GPHN: variants seen among roughly 807,000 people sequenced by gnomAD.
The protein encoded by GPHN is gephyrin.
A neutral mutation model predicts 95.5 loss-of-function variants in GPHN; 17 were observed. The observed-to-expected ratio is 0.18, with a 90% CI of 0.12 to 0.27. GPHN has a LOEUF of 0.27. Ranked by LOEUF, GPHN falls within the 10% of genes least tolerant of loss-of-function variation. The pLI is 1.00. For synonymous variants in GPHN, 320 were observed against 322.5 expected (o/e 0.99, Z 0.08); for missense variants, 660 against 978.1 (o/e 0.67, Z 4.34).
At position 66,615,786 on chromosome 14, in the gene GPHN, T is replaced by G. The variant is rs140471504; in HGVS notation, c.65-65321T>G. 2.6e-3 allele frequency among the ~76,000 whole-genome samples: 392 copies of G among 152,198 alleles called. 2 individuals are homozygous for G. The highest frequency in any genetic ancestry group is 8.9e-3 in the African/African-American group (371 of 41,566). On this transcript the variant is annotated intron_variant, in intron 1 of 22. Transcript: ENST00000478722. ...TTTTGGCATTTTCATCATGAAGTCTTTGCCCATGCCTGTGTCCTGAATGAT... is the reference window on the plus strand; with the variant it reads ...TTTTGGCATTTTCATCATGAAGTCTGTGCCCATGCCTGTGTCCTGAATGAT...
chr14:67,224,706 G>C, the GPHN span: 1 of 300,590 alleles, frequency 3.3e-6, no homozygotes. Context: ...AGAGACAAAG[G>C]ATAGAGATTC....
chr14:67,577,194 G>A, the GPHN span: 16 of 747,596 alleles, frequency 2.1e-5, no homozygotes, highest in African/African-American at 5.2e-5. Flanking sequence ...AAGTGTTGAC[G>A]GAAGATAAAC....
rs765267813 is a variant in GPHN, at chr14:66,599,392, A to ATTTTTTTTTTT, written c.65-81709_65-81699dup. Among the ~76,000 whole-genome samples, 103 of 76,420 alleles carry ATTTTTTTTTTT rather than the reference A, an allele frequency of 1.3e-3. 4 individuals carry two copies. The highest frequency in any genetic ancestry group is 3.2e-3 in the African/African-American group (44 of 13,892). The allele number at this position is 76,420 out of a possible 152,430, so 50.1% of individuals were successfully genotyped here. On this transcript the variant is annotated intron_variant, in intron 1 of 22. Coordinates refer to ENST00000478722, the MANE Select transcript of GPHN (RefSeq NM_020806.5). ...TCTCTGATTTTACATTTTTTTTTGC[A>ATTTTTTTTTTT]TTTTTTTTTTTTTTTTGCTAGATGC...
the GPHN span, among the ~76,000 whole-genome samples, chr14:67,212,386 G>A: frequency 5.9e-5 from 9 of 151,586 alleles, no homozygotes; most frequent in Admixed American, 1.3e-4. Flanking sequence ...CAAGGAGTTC[G>A]AGACCAGCCT....
chr14:66,766,127 A>G (rs1175093970), intron 2 of GPHN, among the ~76,000 whole-genome samples: 2 of 152,328 alleles, frequency 1.3e-5, no homozygotes, highest in East Asian at 3.9e-4. Context: ...TTCAATTCCT[A>G]GTGTGGAAGA....
In GPHN at chr14:67,110,274, A is replaced by T; in HGVS notation, c.1413+15A>T. On this transcript the variant is annotated intron_variant, in intron 14 of 22. Coordinates refer to ENST00000478722, the MANE Select transcript of GPHN (RefSeq NM_020806.5). The stretch of plus-strand genomic sequence containing the variant: ...AATCAGATGATGTACGTCATCACCA[A>T]GTCTTACTGTGCTGTTGTTCCTATG... The T allele has an allele frequency of 1.2e-6, 2 of 1,613,124 alleles. No individual in the cohort carries two copies. The highest frequency in any genetic ancestry group is 1.7e-6 in the Non-Finnish European group (2 of 1,179,144).
chr14:66,748,366 CTT>C (rs2058237944), intron 2 of GPHN, among the ~76,000 whole-genome samples: 1 of 151,852 alleles, frequency 6.6e-6, no homozygotes, highest in Admixed American at 6.6e-5. Flanking sequence ...TTTAAATAGA[CTT>C]TATTTTTTGG....
intron 3 of GPHN, among the ~76,000 whole-genome samples, chr14:66,822,251 A>G (rs1040664293): frequency 1.3e-5 from 2 of 152,152 alleles, no homozygotes; most frequent in African/African-American, 4.8e-5. Flanking sequence ...CGTCCAGCCA[A>G]CTGATTTTAA....
chr14:67,611,091 T>A, the GPHN span: 1 of 154,256 alleles, frequency 6.5e-6, no homozygotes, highest in Non-Finnish European at 1.5e-5. Context: ...ACCAAACCCA[T>A]GTACAATGAG....
At chr14:67,583,984 G>A in the GPHN span, 1 of 1,613,952 alleles carries the variant, frequency 6.2e-7, no homozygotes, top group Non-Finnish European at 8.5e-7. Flanking sequence ...CTCTCCATCT[G>A]CCCACACCAG....
At chr14:66,813,964 G>C (rs2060863204) in intron 3 of GPHN, among the ~76,000 whole-genome samples, 1 of 152,112 alleles carries the variant, frequency 6.6e-6, no homozygotes, top group Non-Finnish European at 1.5e-5. Flanking sequence ...CCACGCACCA[G>C]CCTGCACGCT....
At chr14:66,726,178 G>A (rs534865517) in intron 2 of GPHN, among the ~76,000 whole-genome samples, 25 of 152,104 alleles carry the variant, frequency 1.6e-4, no homozygotes, top group African/African-American at 3.9e-4. Context: ...ATCTACTCCC[G>A]TTCAAATTAA....
At chr14:67,340,705 G>A in the GPHN span, among the ~76,000 whole-genome samples, 26 of 152,014 alleles carry the variant, frequency 1.7e-4, no homozygotes, top group Middle Eastern at 3.4e-3. Flanking sequence ...CTCTCCCCAC[G>A]GTCTCCCTCT....
chr14:66,836,317 A>G (rs1269993973), intron 4 of GPHN, among the ~76,000 whole-genome samples: 1 of 138,828 alleles, frequency 7.2e-6, no homozygotes, highest in Non-Finnish European at 1.5e-5. Context: ...ATCTTTGACA[A>G]ACCTGAGAAA....
the GPHN span, chr14:67,569,067 C>T: frequency 1.9e-6 from 2 of 1,061,112 alleles, no homozygotes; most frequent in African/African-American, 1.5e-5. Flanking sequence ...ATGCTTTTTC[C>T]TGCACATGCC....
chr14:66,922,757 T>C lies in GPHN; in HGVS notation c.548T>C (p.Leu183Pro). 1 of 1,613,762 alleles carries C rather than the reference T, an allele frequency of 6.2e-7. No individual in the cohort carries two copies. Among genetic ancestry groups the C allele is most frequent in the Non-Finnish European group, 8.5e-7 (1 of 1,179,684 alleles). Residue 183 changes from leucine to proline, a missense_variant, in exon 7 of 23, where the codon CTT becomes CCT. Leu to Pro is a moderately conservative substitution (Grantham distance 98, BLOSUM62 -3). This residue lies in a region of GPHN where 190 missense variants were observed against 224.7 expected (regional missense o/e 0.85). Coordinates refer to ENST00000478722, the MANE Select transcript of GPHN (RefSeq NM_020806.5). ...IVKVKEVHDE[L>P]EDLPSPPPPL... ...AAAGTAAAGGAGGTGCATGATGAACTTGAAGATTTGCCTTCCCCACCTCCC... is the reference window on the plus strand; with the variant it reads ...AAAGTAAAGGAGGTGCATGATGAACCTGAAGATTTGCCTTCCCCACCTCCC...
intron 9 of GPHN, among the ~76,000 whole-genome samples, chr14:67,004,806 T>C (rs1462042113): frequency 6.6e-6 from 1 of 151,764 alleles, no homozygotes; most frequent in Non-Finnish European, 1.5e-5. Context: ...CTATCAGAGA[T>C]GGTGTCAGGT....
At chr14:67,209,134 G>A in the GPHN span, among the ~76,000 whole-genome samples, 3 of 152,164 alleles carry the variant, frequency 2.0e-5, no homozygotes, top group Admixed American at 6.6e-5. Flanking sequence ...CAGAGTTTAC[G>A]TGATTCACTC....
At chr14:66,689,516 C>T (rs1340289167) in intron 2 of GPHN, among the ~76,000 whole-genome samples, 1 of 152,052 alleles carries the variant, frequency 6.6e-6, no homozygotes, top group African/African-American at 2.4e-5. Context: ...GTAGTTTTTG[C>T]ATTTGAGTCC....
Sources: gnomAD v4.1 joint callset for allele counts (sites outside exome capture counted in the v4.1 genomes callset) on GRCh38, gnomAD v4.1.1 for gene constraint, gnomAD v4.1.1 regional missense constraint, MANE v1.5 for transcripts, NCBI Gene and HGNC (gene_info 2026-07-23, HGNC 2026-07-21) for gene names.